MMRN1: variants seen among roughly 807,000 people sequenced by gnomAD.
The protein encoded by MMRN1 is multimerin 1, also known as multimerin-1.
MMRN1 carries 94 observed loss-of-function variants against 100.7 expected under a neutral mutation model. The observed-to-expected ratio is 0.93, with a 90% CI of 0.79 to 1.11. The LOEUF (loss-of-function observed/expected upper bound fraction) is 1.11. MMRN1 is among the 50% of genes least tolerant of loss of function. MMRN1 has a pLI of 0.00. For missense variants in MMRN1, 1,606 were observed against 1,439.1 expected (o/e 1.12, Z -1.88); for synonymous variants, 575 against 505.0 (o/e 1.14, Z -1.86).
At chr4:89,933,327 T>C (rs1722500296) in intron 5 of MMRN1, among the ~76,000 whole-genome samples, 1 of 152,148 alleles carries the variant, frequency 6.6e-6, no homozygotes, top group African/African-American at 2.4e-5. Context: ...TTTTCTGACA[T>C]ATTCCCGTCT....
At chr4:89,897,897 CTAAAGG>C (rs1316353926) in intron 1 of MMRN1, among the ~76,000 whole-genome samples, 1 of 152,114 alleles carries the variant, frequency 6.6e-6, no homozygotes, top group Non-Finnish European at 1.5e-5. Flanking sequence ...AAACAAGATA[CTAAAGG>C]TATAACTTGC....
In MMRN1 at chr4:89,923,251, C is replaced by A; in HGVS notation, c.934C>A (p.Gln312Lys). 1 of 1,613,950 alleles carries A rather than the reference C, an allele frequency of 6.2e-7. No homozygotes were observed. Among genetic ancestry groups the A allele is most frequent in the Non-Finnish European group, 8.5e-7 (1 of 1,179,840 alleles). The change falls in exon 4 of 8, where the codon CAG becomes AAG. Residue 312 changes from glutamine to lysine, a missense_variant. Physicochemically the swap from Gln to Lys is moderately conservative, Grantham distance 53 (BLOSUM62 1). Coordinates refer to ENST00000264790, the MANE Select transcript of MMRN1 (RefSeq NM_007351.3). ...CAGAGGAGTAGCTGAGCAGCAGCAG[C>A]AGCAAGGCTGTGGTGACCCAGGTCA... ...VGRGVAEQQQ[Q>K]QGCGDPEVMQ...
Position 89,935,553 on chromosome 4 carries a change from C to T in MMRN1, c.1873C>T (p.Leu625Phe). ...GTTAAATCAAACATTGGCTGAAGTTCTCTTTCCAATGGACAATAAGATGGA... is the reference window on the plus strand; with the variant it reads ...GTTAAATCAAACATTGGCTGAAGTTTTCTTTCCAATGGACAATAAGATGGA... ...HVLNQTLAEV[L>F]FPMDNKMDKM... The change falls in exon 6 of 8, where the codon CTC becomes TTC. Residue 625 changes from leucine (L) to phenylalanine (F), a missense_variant. Physicochemically the swap from Leu to Phe is conservative, Grantham distance 22. Transcript: ENST00000264790. 6.2e-7 allele frequency: 1 copy of T among 1,613,222 alleles called. No homozygotes were observed. Among genetic ancestry groups the T allele is most frequent in the Non-Finnish European group, 8.5e-7 (1 of 1,179,676 alleles).
upstream of MMRN1, among the ~76,000 whole-genome samples, chr4:89,893,281 T>C (rs1721095750): frequency 6.6e-6 from 1 of 151,610 alleles, no homozygotes; most frequent in South Asian, 2.1e-4. Context: ...TCGATTGGGG[T>C]TGCTGATGAT....
In MMRN1 at chr4:89,935,704, G is replaced by A. The variant is rs1722602128; in HGVS notation, c.2024G>A (p.Arg675Lys). 8 of 1,611,716 alleles carry A rather than the reference G, an allele frequency of 5.0e-6. No homozygotes were observed. Among genetic ancestry groups the A allele is most frequent in the Non-Finnish European group, 6.8e-6 (8 of 1,179,366 alleles). The stretch of plus-strand genomic sequence containing the variant: ...CAACCAAAGGAAGCAATAGTGATAA[G>A]GAAAAAGATAGAAAATCTGACTAGT... ...YEQPKEAIVI[R>K]KKIENLTSAV... Residue 675 changes from arginine (R) to lysine (K), a missense_variant, in exon 6 of 8, where the codon AGG becomes AAG. Coordinates refer to ENST00000264790, the MANE Select transcript of MMRN1 (RefSeq NM_007351.3).
At chr4:89,930,936 C>T (rs987317567) in intron 5 of MMRN1, among the ~76,000 whole-genome samples, 6 of 152,032 alleles carry the variant, frequency 3.9e-5, no homozygotes, top group Non-Finnish European at 5.9e-5. Context: ...AAAGCTAGGA[C>T]TATTTCTGTA....
chr4:89,896,993 T>C (rs1578465011), intron 1 of MMRN1, among the ~76,000 whole-genome samples: 2 of 152,182 alleles, frequency 1.3e-5, no homozygotes, highest in Non-Finnish European at 1.5e-5. Context: ...TTAACAGACA[T>C]GCATTAATCT....
At position 89,935,043 on chromosome 4, in the gene MMRN1, G is replaced by C; in HGVS notation, c.1363G>C (p.Asp455His). The C allele has an allele frequency of 6.2e-7, 1 of 1,613,598 alleles. No homozygotes were observed. Among genetic ancestry groups the C allele is most frequent in the African/African-American group, 1.3e-5 (1 of 75,024 alleles). Reference protein sequence around the residue: ...LVQENRPTLTDIVELRNHIVN... With the variant: ...LVQENRPTLTHIVELRNHIVN... ...GCAAGAGAATCGGCCCACTTTGACT[G>C]ATATAGTGGAACTAAGGAATCACAT... is the stretch of plus-strand genomic sequence containing the variant. Residue 455 changes from aspartate (D) to histidine (H), a missense_variant, in exon 6 of 8, where the codon GAT (aspartate) becomes CAT (histidine). Asp to His is a moderately conservative substitution (Grantham distance 81). Transcript: ENST00000264790.
chr4:89,886,307 T>G (rs1294585761), intron 1 of MMRN1, among the ~76,000 whole-genome samples: 9 of 152,160 alleles, frequency 5.9e-5, no homozygotes, highest in Non-Finnish European at 1.5e-5. Context: ...CTGCTTTGAC[T>G]GAGGATTATT....
At chr4:89,950,191 G>C (rs114058188) in intron 6 of MMRN1, among the ~76,000 whole-genome samples, 1 of 152,104 alleles carries the variant, frequency 6.6e-6, no homozygotes, top group African/African-American at 2.4e-5. Context: ...TTTAATTGCT[G>C]TCTAATATTC....
At chr4:89,902,331 A>T (rs981752904) in intron 1 of MMRN1, among the ~76,000 whole-genome samples, 29 of 151,562 alleles carry the variant, frequency 1.9e-4, no homozygotes, top group African/African-American at 5.6e-4. Flanking sequence ...TATAATAAAA[A>T]AAATAAATAA....
chr4:89,924,044 G>GATTATTGCTATATATTGCT (rs1226844238), intron 4 of MMRN1, among the ~76,000 whole-genome samples: 7 of 152,132 alleles, frequency 4.6e-5, no homozygotes, highest in African/African-American at 1.7e-4. Flanking sequence ...TGTGTAAAGG[G>GATTATTGCTATATATTGCT]ATAGACAGTA....
chr4:89,950,409 T>G (rs1054172457), intron 6 of MMRN1, among the ~76,000 whole-genome samples: 1 of 152,186 alleles, frequency 6.6e-6, no homozygotes, highest in Non-Finnish European at 1.5e-5. Flanking sequence ...CTGATAAATA[T>G]CGTCACATTG....
At chr4:89,919,237 G>A (rs989993852) in intron 3 of MMRN1, among the ~76,000 whole-genome samples, 2 of 150,878 alleles carry the variant, frequency 1.3e-5, no homozygotes, top group Non-Finnish European at 3.0e-5. Flanking sequence ...TATTTTATGG[G>A]CACTTTATTA....
intron 1 of MMRN1, among the ~76,000 whole-genome samples, chr4:89,883,671 T>C (rs1198026777): frequency 6.6e-6 from 1 of 152,118 alleles, no homozygotes; most frequent in Non-Finnish European, 1.5e-5. Flanking sequence ...TAAATTTCTA[T>C]TATTTTCCTC....
chr4:89,918,563 G>A (rs112536648), intron 3 of MMRN1, among the ~76,000 whole-genome samples: 2,007 of 150,982 alleles, frequency 0.013, 20 homozygotes, highest in Non-Finnish European at 0.017. Context: ...TCTCCCTCTC[G>A]TCTACTTTTA....
At chr4:89,889,971 A>G (rs1721015228), upstream of MMRN1, among the ~76,000 whole-genome samples, 1 of 151,984 alleles carries the variant, frequency 6.6e-6, no homozygotes, top group African/African-American at 2.4e-5. Context: ...TTTCCTCCAA[A>G]GTCACTCAGT....
chr4:89,929,830 C>A (rs374895837), intron 5 of MMRN1, among the ~76,000 whole-genome samples: 82 of 152,226 alleles, frequency 5.4e-4, no homozygotes, highest in Middle Eastern at 6.8e-3. Context: ...GCTTGCCTAG[C>A]GAAACCACAG....
intron 1 of MMRN1, among the ~76,000 whole-genome samples, chr4:89,902,746 C>G (rs1369874303): frequency 6.6e-6 from 1 of 151,962 alleles, no homozygotes; most frequent in East Asian, 1.9e-4. Flanking sequence ...AGGGTTTCTT[C>G]TTAAAGTCTA....
Sources: gnomAD v4.1 joint callset for allele counts (sites outside exome capture counted in the v4.1 genomes callset) on GRCh38, gnomAD v4.1.1 for gene constraint, MANE v1.5 for transcripts, NCBI Gene and HGNC (gene_info 2026-07-23, HGNC 2026-07-21) for gene names.